The following CACNB2 variants were observed in gnomAD, a reference collection of about 807,000 sequenced individuals.
CACNB2 encodes calcium voltage-gated channel auxiliary subunit beta 2, also known as voltage-dependent L-type calcium channel subunit beta-2.
In CACNB2, 42 loss-of-function variants were observed where a neutral mutation model predicts 73.3. That is an observed-to-expected ratio of 0.57 (90% CI 0.45 to 0.74). CACNB2 has a LOEUF of 0.74. CACNB2 is among the 30% of genes least tolerant of loss of function. The pLI is 0.00. For synonymous variants in CACNB2, 348 were observed against 310.3 expected, an observed-to-expected ratio of 1.12 and a Z score of -1.28; for missense variants, 940 against 853.0, an observed-to-expected ratio of 1.10 and a Z score of -1.27.
intron 2 of CACNB2, among the ~76,000 whole-genome samples, chr10:18,245,665 C>G (rs1484456085): frequency 6.6e-6 from 1 of 152,076 alleles, no homozygotes; most frequent in Non-Finnish European, 1.5e-5. Flanking sequence ...CCAACAGCAT[C>G]ACAAAATGTG....
At chr10:18,514,101 A>AT (rs1398845764) in intron 6 of CACNB2, 135 bp from the exon 7 acceptor site, 3 of 775,314 alleles carry the variant, frequency 3.9e-6, no homozygotes, top group South Asian at 1.6e-5. Context: ...TTTAAATTTA[A>AT]TTTTCTTGCG....
chr10:18,345,307 T>C (rs2041403843), intron 2 of CACNB2, among the ~76,000 whole-genome samples: 1 of 152,244 alleles, frequency 6.6e-6, no homozygotes, highest in Non-Finnish European at 1.5e-5. Flanking sequence ...ATACTAATTT[T>C]ATCACAATGT....
intron 2 of CACNB2, among the ~76,000 whole-genome samples, chr10:18,292,696 C>T (rs1389782622): frequency 6.6e-5 from 10 of 152,038 alleles, no homozygotes; most frequent in Non-Finnish European, 1.0e-4. Context: ...AAGGTAGTTT[C>T]CTACCAAAAA....
intron 2 of CACNB2, among the ~76,000 whole-genome samples, chr10:18,335,949 C>A (rs373470021): frequency 9.5e-4 from 144 of 152,010 alleles, no homozygotes; most frequent in Middle Eastern, 6.8e-3. Context: ...GCTTTGGTTA[C>A]CCAAAATCAT....
At chr10:18,217,260 G>A (rs1432562455) in intron 2 of CACNB2, among the ~76,000 whole-genome samples, 1 of 152,120 alleles carries the variant, frequency 6.6e-6, no homozygotes, top group African/African-American at 2.4e-5. Context: ...GAGGCTGGTG[G>A]ATCACCTGAG....
chr10:18,393,783 G>T (rs1476080062), intron 2 of CACNB2, among the ~76,000 whole-genome samples: 1 of 152,186 alleles, frequency 6.6e-6, no homozygotes, highest in East Asian at 1.9e-4. Context: ...TTCCCTTGTA[G>T]ATAAGTAATG....
intron 2 of CACNB2, among the ~76,000 whole-genome samples, chr10:18,180,007 T>C (rs1315742559): frequency 2.0e-5 from 3 of 152,210 alleles, no homozygotes; most frequent in African/African-American, 7.2e-5. Context: ...TTGGCATGAC[T>C]ACAGGTCTGC....
chr10:18,141,736 A>G (rs552007351), intron 1 of CACNB2, among the ~76,000 whole-genome samples: 17 of 152,334 alleles, frequency 1.1e-4, no homozygotes, highest in Admixed American at 9.8e-4. Flanking sequence ...GGTCTCAGCG[A>G]TGAGGAGTCG....
At chr10:18,230,957 G>T (rs1236447010) in intron 2 of CACNB2, among the ~76,000 whole-genome samples, 1 of 151,920 alleles carries the variant, frequency 6.6e-6, no homozygotes, top group African/African-American at 2.4e-5. Context: ...ATGGCAATGT[G>T]CATATTTTGC....
At chr10:18,202,036 G>C (rs1351385274) in intron 2 of CACNB2, among the ~76,000 whole-genome samples, 4 of 152,188 alleles carry the variant, frequency 2.6e-5, no homozygotes, top group Non-Finnish European at 4.4e-5. Context: ...TTTTATGAAA[G>C]TGCCCTTTCA....
chr10:18,486,154 T>G (rs1223364639), intron 3 of CACNB2, among the ~76,000 whole-genome samples: 1 of 152,174 alleles, frequency 6.6e-6, no homozygotes, highest in Admixed American at 6.6e-5. Context: ...TTAATCATGA[T>G]CAGAAATTTA....
intron 5 of CACNB2, among the ~76,000 whole-genome samples, chr10:18,505,625 T>A (rs1028587086): frequency 6.6e-6 from 1 of 152,162 alleles, no homozygotes; most frequent in Non-Finnish European, 1.5e-5. Flanking sequence ...TAATAAACAT[T>A]AGGCAGTGAG....
intron 2 of CACNB2, among the ~76,000 whole-genome samples, chr10:18,336,334 G>A (rs2041003612): frequency 6.6e-6 from 1 of 152,150 alleles, no homozygotes; most frequent in African/African-American, 2.4e-5. Flanking sequence ...TGACGACTTA[G>A]GGTGGGCCAG....
intron 2 of CACNB2, among the ~76,000 whole-genome samples, chr10:18,387,096 G>A (rs1166591424): frequency 6.6e-6 from 1 of 152,154 alleles, no homozygotes; most frequent in Admixed American, 6.5e-5. Flanking sequence ...TCTCAGAGCC[G>A]TCATCTTGGT....
chr10:18,451,092 A>G (rs1202950556), intron 3 of CACNB2, among the ~76,000 whole-genome samples: 1 of 152,226 alleles, frequency 6.6e-6, no homozygotes, highest in African/African-American at 2.4e-5. Flanking sequence ...AGTCAGCTCT[A>G]TATCTTGGAG....
At chr10:18,380,069 T>C (rs1320926020) in intron 2 of CACNB2, among the ~76,000 whole-genome samples, 1 of 152,212 alleles carries the variant, frequency 6.6e-6, no homozygotes, top group African/African-American at 2.4e-5. Flanking sequence ...TTCCCTTTTG[T>C]GACTGGCTTA....
chr10:18,463,662 G>A (rs150094416), intron 3 of CACNB2, among the ~76,000 whole-genome samples: 3 of 151,316 alleles, frequency 2.0e-5, no homozygotes, highest in Non-Finnish European at 4.4e-5. Context: ...TGGAACTCCT[G>A]GTCTCAAGTA....
Position 18,309,215 on chromosome 10 carries a change from ACT to A in CACNB2, c.214-92706_214-92705del, listed in dbSNP as rs1280722431. ...ATGTTTAAAGGTAGCAGGAAAAGTG[ACT>A]CTTGTATTTATGACGGGAGAAAGAG... is the stretch of plus-strand genomic sequence containing the variant. On this transcript the variant is annotated intron_variant, in intron 2 of 13. Coordinates refer to ENST00000324631, the MANE Select transcript of CACNB2 (RefSeq NM_201596.3). Among the ~76,000 whole-genome samples, 22 of 152,276 alleles carry A rather than the reference ACT, an allele frequency of 1.4e-4. 1 individual carries two copies. Among genetic ancestry groups the A allele is most frequent in the African/African-American group, 5.3e-4 (22 of 41,558 alleles).
intron 2 of CACNB2, among the ~76,000 whole-genome samples, chr10:18,306,186 A>C (rs1287089773): frequency 6.6e-6 from 1 of 152,124 alleles, no homozygotes; most frequent in Non-Finnish European, 1.5e-5. Flanking sequence ...GCAGTGAGTT[A>C]TAAGGAGCGT....
Sources: gnomAD v4.1 joint callset for allele counts (sites outside exome capture counted in the v4.1 genomes callset) on GRCh38, gnomAD v4.1.1 for gene constraint, MANE v1.5 for transcripts, NCBI Gene and HGNC (gene_info 2026-07-23, HGNC 2026-07-21) for gene names.